VIPR2: variants seen among roughly 807,000 people sequenced by gnomAD.
The protein encoded by VIPR2 is vasoactive intestinal peptide receptor 2, also known as vasoactive intestinal polypeptide receptor 2.
A neutral mutation model predicts 58.0 loss-of-function variants in VIPR2; 48 were observed. That is an observed-to-expected ratio of 0.83 (90% CI 0.66 to 1.05). The LOEUF (loss-of-function observed/expected upper bound fraction) is 1.05, where lower values mean the gene tolerates loss of function less well. Among genes scored for constraint, VIPR2 ranks in the 50% least tolerant of loss-of-function variants. VIPR2 has a pLI of 0.00. For synonymous variants in VIPR2, 243 were observed against 235.2 expected (o/e 1.03, Z -0.30); for missense variants, 534 against 558.0 (o/e 0.96, Z 0.43).
chr7:159,113,973 C>T (rs1392974311), intron 2 of VIPR2, among the ~76,000 whole-genome samples: 2 of 152,078 alleles, frequency 1.3e-5, no homozygotes, highest in South Asian at 2.1e-4. Flanking sequence ...GACGAGGGGC[C>T]GGAGACTATT....
chr7:159,063,818 T>C (rs1338718634), intron 4 of VIPR2, among the ~76,000 whole-genome samples: 1 of 51,404 alleles, frequency 1.9e-5, no homozygotes, highest in Non-Finnish European at 3.2e-5. Context: ...GGGGTCCTGG[T>C]GGGGTCCGGG....
In VIPR2 at chr7:159,028,818, C is replaced by T. The variant is rs1172234582; in HGVS notation, c.*1798G>A. On this transcript the variant is annotated 3_prime_UTR_variant, in exon 13 of 13. Transcript: ENST00000262178. ...CCAGTATCCGTCTGTGATGGATCCT[C>T]TGCGGCCCCCAGAAATGGTGGGTTG... The T allele has an allele frequency of 6.6e-6, 1 of 152,354 alleles. No individual in the cohort carries two copies. The highest frequency in any genetic ancestry group is 2.4e-5 in the African/African-American group (1 of 41,464). 9.4% of individuals were successfully genotyped at this position (152,354 alleles called of 1,614,324 possible). A position where few individuals can be genotyped will look rare whatever the true frequency, so the allele number is the denominator to read the frequency against.
chr7:159,101,305 G>A (rs1858216144), intron 4 of VIPR2, among the ~76,000 whole-genome samples: 1 of 147,630 alleles, frequency 6.8e-6, no homozygotes, highest in African/African-American at 2.5e-5. Flanking sequence ...ATAGTGAACG[G>A]GTCTCACGAG....
At position 159,098,482 on chromosome 7, in the gene VIPR2, G is replaced by C. The variant is rs2129495654; in HGVS notation, c.357+5275C>G. On this transcript the variant is annotated intron_variant, in intron 4 of 12. Transcript: ENST00000262178. The surrounding 1 kb of genome is among the most constrained non-coding windows in gnomAD (Gnocchi z 5.2). ...ACACAGACGGGAAGACCTTGGACAG[G>C]GAGACTGATCCCTGGCTGGCTTATC... is the stretch of plus-strand genomic sequence containing the variant. Among the ~76,000 whole-genome samples, 1 of 152,298 alleles carries C rather than the reference G, an allele frequency of 6.6e-6. No homozygotes were observed. Among genetic ancestry groups the C allele is most frequent in the Non-Finnish European group, 1.5e-5 (1 of 68,024 alleles).
rs1024532951 is a variant in VIPR2, at chr7:159,100,732, T to C, written c.357+3025A>G. Among the ~76,000 whole-genome samples, 34 of 145,036 alleles carry C rather than the reference T, an allele frequency of 2.3e-4. No individual in the cohort carries two copies. In the East Asian group the frequency reaches 2.4e-3, roughly 10 times the overall value. ...AGTGAACGGGTCTCACGAGATCCGA[T>C]GAGGCGGTTCCGACTGTTCCTGTGA... On this transcript the variant is annotated intron_variant, in intron 4 of 12. Coordinates refer to ENST00000262178, the MANE Select transcript of VIPR2 (RefSeq NM_003382.5).
At chr7:159,118,023 G>T (rs1796307215) in intron 2 of VIPR2, among the ~76,000 whole-genome samples, 1 of 152,198 alleles carries the variant, frequency 6.6e-6, no homozygotes. Context: ...CAGAATCTGG[G>T]CAGAGCAGGA....
chr7:159,133,490 T>TA (rs1797071709), intron 2 of VIPR2, among the ~76,000 whole-genome samples: 1 of 152,290 alleles, frequency 6.6e-6, no homozygotes, highest in African/African-American at 2.4e-5. Flanking sequence ...TGGAAAATCG[T>TA]AAAGTCCTTT....
At chr7:159,077,231 A>C (rs1370871456) in intron 4 of VIPR2, among the ~76,000 whole-genome samples, 1 of 152,234 alleles carries the variant, frequency 6.6e-6, no homozygotes, top group Non-Finnish European at 1.5e-5. Context: ...TTCTGGTAGA[A>C]AACTACAGTG....
At chr7:159,087,149 T>C (rs1423482195) in intron 4 of VIPR2, among the ~76,000 whole-genome samples, 1 of 148,696 alleles carries the variant, frequency 6.7e-6, no homozygotes. Context: ...GATAGTGAGA[T>C]ATGGCTTCCC....
chr7:159,107,767 A>AG (rs1397321585), intron 3 of VIPR2, among the ~76,000 whole-genome samples: 3 of 152,152 alleles, frequency 2.0e-5, no homozygotes, highest in Non-Finnish European at 4.4e-5. Flanking sequence ...GGCAGGGGTT[A>AG]GGACCTGGAG....
Position 159,096,626 on chromosome 7 carries a change from C to A in VIPR2, c.357+7131G>T, listed in dbSNP as rs1262353847. Among the ~76,000 whole-genome samples the A allele has an allele frequency of 1.3e-5, 2 of 152,216 alleles. No homozygotes were observed. The highest frequency in any genetic ancestry group is 2.9e-5 in the Non-Finnish European group (2 of 68,042). On this transcript the variant is annotated intron_variant, in intron 4 of 12. Coordinates refer to ENST00000262178, the MANE Select transcript of VIPR2 (RefSeq NM_003382.5). This position sits in a 1 kb window ranked among gnomAD's most constrained non-coding sequence, Gnocchi z 5.5. ...TTCCCTGGTCCCGTATCTCCTTTGGCCCTGAAAAGACTCATCCATTTATTT... is the reference window on the plus strand; with the variant it reads ...TTCCCTGGTCCCGTATCTCCTTTGGACCTGAAAAGACTCATCCATTTATTT...
intron 3 of VIPR2, among the ~76,000 whole-genome samples, chr7:159,104,201 C>T (rs1399981839): frequency 1.3e-5 from 2 of 152,204 alleles, no homozygotes; most frequent in Non-Finnish European, 2.9e-5. Context: ...CAAGCCCTGG[C>T]CATCCTGGAG....
intron 5 of VIPR2, among the ~76,000 whole-genome samples, chr7:159,049,051 C>T (rs550511865): frequency 2.4e-4 from 37 of 152,280 alleles, no homozygotes; most frequent in Non-Finnish European, 4.9e-4. Flanking sequence ...GGACTCTGAG[C>T]GTCCCTGTTC....
In VIPR2 at chr7:159,031,486, G is replaced by C; in HGVS notation, c.1143+342C>G. On this transcript the variant is annotated intron_variant, in intron 12 of 12. Coordinates refer to ENST00000262178, the MANE Select transcript of VIPR2 (RefSeq NM_003382.5). The surrounding 1 kb of genome is among the most constrained non-coding windows in gnomAD (Gnocchi z 4.0). ...CCCCCAACCCAGGCCCGGCTTTCTGGGACTCACAAGCTATGGTCAGGAGCG... is the reference window on the plus strand; with the variant it reads ...CCCCCAACCCAGGCCCGGCTTTCTGCGACTCACAAGCTATGGTCAGGAGCG... 1.0e-6 allele frequency: 1 copy of C among 985,384 alleles called. No homozygotes were observed. The highest frequency in any genetic ancestry group is 4.7e-5 in the South Asian group (1 of 21,284). 61.0% of individuals were successfully genotyped at this position (985,384 alleles called of 1,614,324 possible). A position where few individuals can be genotyped will look rare whatever the true frequency, so the allele number is the denominator to read the frequency against.
intron 4 of VIPR2, among the ~76,000 whole-genome samples, chr7:159,085,575 G>A (rs58552840): frequency 0.02 from 3,102 of 152,250 alleles, 114 homozygotes; most frequent in African/African-American, 0.071. Flanking sequence ...GATTACAGGC[G>A]TGGGCCACCG....
At chr7:159,139,174 G>C (rs144095707) in intron 2 of VIPR2, among the ~76,000 whole-genome samples, 1 of 152,158 alleles carries the variant, frequency 6.6e-6, no homozygotes. Flanking sequence ...TTCTTTCTGA[G>C]GATGTTTGTA....
intron 2 of VIPR2, among the ~76,000 whole-genome samples, chr7:159,125,680 G>A (rs1796627180): frequency 6.6e-6 from 1 of 152,190 alleles, no homozygotes; most frequent in Non-Finnish European, 1.5e-5. Flanking sequence ...CAGCAGTTTA[G>A]CATGATTTCC....
At chr7:159,064,463 G>T (rs1855969672) in intron 4 of VIPR2, among the ~76,000 whole-genome samples, 2 of 152,130 alleles carry the variant, frequency 1.3e-5, no homozygotes, top group Admixed American at 1.3e-4. Context: ...TTGTGAGTGA[G>T]GATGATGGCG....
rs1857867789 is a variant in VIPR2, at chr7:159,096,694, C to G, written c.357+7063G>C. 3 of 1,260,122 alleles carry G rather than the reference C, an allele frequency of 2.4e-6. No homozygotes were observed. The African/African-American group carries it at 4.5e-5, about 19-fold the overall frequency. 78.1% of individuals were successfully genotyped at this position (1,260,122 alleles called of 1,614,324 possible). On this transcript the variant is annotated intron_variant, in intron 4 of 12. Coordinates refer to ENST00000262178, the MANE Select transcript of VIPR2 (RefSeq NM_003382.5). This position sits in a 1 kb window ranked among gnomAD's most constrained non-coding sequence, Gnocchi z 5.5. ...ACATGCACAGGTTAAAACTAAACAG[C>G]AGAAAAGTGCTCATAATCCTGTCTG...
Sources: gnomAD v4.1 joint callset for allele counts (sites outside exome capture counted in the v4.1 genomes callset) on GRCh38, gnomAD v4.1.1 for gene constraint, Gnocchi (gnomAD v3.1) non-coding constraint, MANE v1.5 for transcripts, NCBI Gene and HGNC (gene_info 2026-07-23, HGNC 2026-07-21) for gene names.